Variants in TPD52L2 observed in about 807,000 individuals in gnomAD.
TPD52L2 encodes the protein TPD52 like 2, also known as tumor protein D54.
A neutral mutation model predicts 24.7 loss-of-function variants in TPD52L2; 19 were observed. The observed-to-expected ratio is 0.77, with a 90% CI of 0.54 to 1.13. TPD52L2 has a LOEUF of 1.13. Among genes scored for constraint, TPD52L2 ranks in the 50% most tolerant of loss-of-function variants. The probability of loss-of-function intolerance (pLI) is 0.00; values close to 1 mark genes in which losing one functional copy is unlikely to be tolerated. For missense variants in TPD52L2, 236 were observed against 250.4 expected, an observed-to-expected ratio of 0.94 and a Z score of 0.39; for synonymous variants, 104 against 100.2, an observed-to-expected ratio of 1.04 and a Z score of -0.23.
rs1217976268 is a variant in TPD52L2, at chr20:63,887,682, C to A, written c.477-1508C>A. On this transcript the variant is annotated intron_variant, in intron 5 of 6. Coordinates refer to ENST00000346249, the MANE Select transcript of TPD52L2 (RefSeq NM_003288.4). ...GTTGGGGCAGCTCCCGCCGGTTACA[C>A]CTTGCCCTTCCCATATTCCTGGATT... 9 of 1,405,626 alleles carry A rather than the reference C, an allele frequency of 6.4e-6. No individual in the cohort carries two copies. The African/African-American group carries it at 1.3e-4, about 20-fold the overall frequency. 87.1% of individuals were successfully genotyped at this position (1,405,626 alleles called of 1,614,324 possible).
At position 63,877,937 on chromosome 20, in the gene TPD52L2, C is replaced by T. The variant is rs566665733; in HGVS notation, c.374+2062C>T. ...TGGTTTCTGGTGGGAAGGCCCAGGC[C>T]GAGGGCGATGGTTTCTGCCGGGACG... is the stretch of plus-strand genomic sequence containing the variant. On this transcript the variant is annotated intron_variant, in intron 4 of 6. Transcript: ENST00000346249. The surrounding 1 kb of genome is among the most constrained non-coding windows in gnomAD (Gnocchi z 4.1). 1.1e-4 allele frequency among the ~76,000 whole-genome samples: 16 copies of T among 152,232 alleles called. No homozygotes were observed. Among genetic ancestry groups the T allele is most frequent in the Non-Finnish European group, 1.8e-4 (12 of 67,994 alleles).
At chr20:63,889,099 A>G in intron 5 of TPD52L2, 91 bp from the exon 6 acceptor site, 1 of 1,100,254 alleles carries the variant, frequency 9.1e-7, no homozygotes, top group Non-Finnish European at 1.4e-6. Context: ...GACCCTTTGG[A>G]GGCTGGCCCT....
rs1199483098 is a variant in TPD52L2 at position 63,877,938 on chromosome 20, G to A, written c.374+2063G>A. Among the ~76,000 whole-genome samples the A allele has an allele frequency of 6.6e-6, 1 of 152,262 alleles. No individual in the cohort carries two copies. The highest frequency in any genetic ancestry group is 1.9e-4 in the East Asian group (1 of 5,198). On this transcript the variant is annotated intron_variant, in intron 4 of 6. Transcript: ENST00000346249. This position sits in a 1 kb window ranked among gnomAD's most constrained non-coding sequence, Gnocchi z 4.1. ...GGTTTCTGGTGGGAAGGCCCAGGCC[G>A]AGGGCGATGGTTTCTGCCGGGACGG...
At chr20:63,876,682 G>C in intron 4 of TPD52L2, 1 of 440,400 alleles carries the variant, frequency 2.3e-6, no homozygotes, top group South Asian at 1.6e-5. Context: ...AAAGGAAGCA[G>C]TTGCTGCCGA....
At chr20:63,884,580 G>A (rs928832162) in intron 5 of TPD52L2, among the ~76,000 whole-genome samples, 25 of 152,222 alleles carry the variant, frequency 1.6e-4, no homozygotes, top group African/African-American at 5.1e-4. Flanking sequence ...ACAGGGACAC[G>A]GTCCTGGTTC....
chr20:63,884,382 T>C (rs1219366032), intron 5 of TPD52L2, among the ~76,000 whole-genome samples: 1 of 152,188 alleles, frequency 6.6e-6, no homozygotes, highest in Non-Finnish European at 1.5e-5. Context: ...GCCTAAATTA[T>C]GCCGGCCATC....
chr20:63,874,072 G>A (rs774924688), intron 3 of TPD52L2, among the ~76,000 whole-genome samples: 38 of 151,928 alleles, frequency 2.5e-4, no homozygotes, highest in Non-Finnish European at 4.9e-4. Flanking sequence ...TTTTTTTTGA[G>A]ACAGAGTCTC....
chr20:63,865,356 C>T lies in TPD52L2; in HGVS notation c.-10C>T. ...AGCGCCCGCGACAGCGGTCCGGACGCCGCCCGAACATGGACTCCGCCGGCC... is the reference window on the plus strand; with the variant it reads ...AGCGCCCGCGACAGCGGTCCGGACGTCGCCCGAACATGGACTCCGCCGGCC... On this transcript the variant is annotated 5_prime_UTR_variant, in exon 1 of 7. Transcript: ENST00000346249. The T allele has an allele frequency of 1.3e-6, 2 of 1,527,574 alleles. No homozygotes were observed. Among genetic ancestry groups the T allele is most frequent in the Non-Finnish European group, 1.7e-6 (2 of 1,143,032 alleles). The allele number at this position is 1,527,574 out of a possible 1,614,324, so 94.6% of individuals were successfully genotyped here.
Position 63,885,212 on chromosome 20 carries a change from G to A in TPD52L2, c.476+2392G>A, listed in dbSNP as rs151252991. On this transcript the variant is annotated intron_variant, in intron 5 of 6. Transcript: ENST00000346249. ...GATGGGCCTGTCCCAGGGCAGCCCCGGTCTGTGAGGCCTTTGGTGTGCCCT... is the reference window on the plus strand; with the variant it reads ...GATGGGCCTGTCCCAGGGCAGCCCCAGTCTGTGAGGCCTTTGGTGTGCCCT... Among the ~76,000 whole-genome samples the A allele has an allele frequency of 7.5e-3, 1,140 of 152,362 alleles. 13 individuals are homozygous for A. The highest frequency in any genetic ancestry group is 0.025 in the African/African-American group (1,033 of 41,590).
chr20:63,871,404 C>T (rs1017840205), intron 2 of TPD52L2, among the ~76,000 whole-genome samples: 2 of 150,926 alleles, frequency 1.3e-5, no homozygotes, highest in Admixed American at 1.3e-4. Flanking sequence ...GGCTGGAGTG[C>T]AGTGGCGTGA....
chr20:63,875,152 A>AAAT (rs1555873183), intron 3 of TPD52L2, among the ~76,000 whole-genome samples: 2 of 141,748 alleles, frequency 1.4e-5, no homozygotes, highest in Admixed American at 7.1e-5. Context: ...AAAAAAAAAA[A>AAAT]ATATATATAT....
intron 5 of TPD52L2, among the ~76,000 whole-genome samples, chr20:63,886,455 G>T (rs552117647): frequency 2.4e-3 from 361 of 151,500 alleles, no homozygotes; most frequent in Admixed American, 3.8e-3. Flanking sequence ...CCGCCTCCCG[G>T]GTTCACGCCA....
At chr20:63,866,079 G>A (rs1431330580) in intron 1 of TPD52L2, among the ~76,000 whole-genome samples, 2 of 151,790 alleles carry the variant, frequency 1.3e-5, no homozygotes, top group Non-Finnish European at 1.5e-5. Context: ...CTCTAGAGAG[G>A]GATGCTAAAT....
At chr20:63,882,216 A>C (rs1033856133) in intron 4 of TPD52L2, among the ~76,000 whole-genome samples, 1 of 152,244 alleles carries the variant, frequency 6.6e-6, no homozygotes, top group Non-Finnish European at 1.5e-5. Context: ...CCCTCAGCAC[A>C]GTCTCATTTG....
chr20:63,866,106 T>C (rs1287601958), intron 1 of TPD52L2, among the ~76,000 whole-genome samples: 1 of 152,158 alleles, frequency 6.6e-6, no homozygotes, highest in East Asian at 1.9e-4. Flanking sequence ...CTTTCTTTCT[T>C]TCTTTCTTTA....
intron 1 of TPD52L2, among the ~76,000 whole-genome samples, chr20:63,866,874 C>G (rs764636199): frequency 1.3e-5 from 2 of 150,910 alleles, no homozygotes; most frequent in Non-Finnish European, 2.9e-5. Flanking sequence ...TGGGCTCAAG[C>G]GATCTTCCTG....
chr20:63,873,256 G>A (rs1169406067), intron 2 of TPD52L2, among the ~76,000 whole-genome samples: 3 of 152,084 alleles, frequency 2.0e-5, no homozygotes, highest in African/African-American at 4.8e-5. Flanking sequence ...TTGGGAGGCT[G>A]AGGTGGGAGG....
intron 5 of TPD52L2, among the ~76,000 whole-genome samples, chr20:63,884,385 C>T (rs544402368): frequency 3.9e-5 from 6 of 152,248 alleles, no homozygotes; most frequent in African/African-American, 9.6e-5. Context: ...TAAATTATGC[C>T]GGCCATCAGG....
rs6010689 is a variant in TPD52L2, at chr20:63,886,938, G to A, written c.477-2252G>A. The A allele has an allele frequency of 9.2e-4, 147 of 159,638 alleles. 1 individual carries two copies. The highest frequency in any genetic ancestry group is 2.8e-3 in the African/African-American group (117 of 41,556). 9.9% of individuals were successfully genotyped at this position (159,638 alleles called of 1,614,324 possible). A position where few individuals can be genotyped will look rare whatever the true frequency, so the allele number is the denominator to read the frequency against. On this transcript the variant is annotated intron_variant, in intron 5 of 6. Transcript: ENST00000346249. ...GATTACAGGCGTGAGCCACTGCGCCGGGCCCTCAAAGGAGCCTTTTCACGT... is the reference window on the plus strand; with the variant it reads ...GATTACAGGCGTGAGCCACTGCGCCAGGCCCTCAAAGGAGCCTTTTCACGT...
Sources: allele counts gnomAD v4.1 joint callset (sites outside exome capture counted in the v4.1 genomes callset), GRCh38; gene constraint gnomAD v4.1.1; non-coding constraint Gnocchi (gnomAD v3.1); transcripts MANE v1.5; gene names NCBI Gene and HGNC (gene_info 2026-07-23, HGNC 2026-07-21).